The following CFDP1 variants were observed in gnomAD, a reference collection of about 807,000 sequenced individuals.
The protein encoded by CFDP1 is heterochromatin-stabilizing protein CFDP1.
In CFDP1, 31 loss-of-function variants were observed where a neutral mutation model predicts 40.1. That is an observed-to-expected ratio of 0.77 (90% CI 0.58 to 1.04). The LOEUF is 1.04. Ranked by LOEUF, CFDP1 falls within the 50% of genes least tolerant of loss-of-function variation. The probability of loss-of-function intolerance (pLI) is 0.00; values close to 1 mark genes in which losing one functional copy is unlikely to be tolerated. For missense variants in CFDP1, 423 were observed against 343.4 expected, an observed-to-expected ratio of 1.23 and a Z score of -1.83; for synonymous variants, 167 against 120.0, an observed-to-expected ratio of 1.39 and a Z score of -2.56.
intron 5 of CFDP1, among the ~76,000 whole-genome samples, chr16:75,307,374 C>T (rs1363199910): frequency 6.6e-6 from 1 of 151,898 alleles, no homozygotes; most frequent in Non-Finnish European, 1.5e-5. Flanking sequence ...TGCCACCACA[C>T]CTGGCTAATT....
At chr16:75,313,218 C>T (rs2078305716) in intron 5 of CFDP1, among the ~76,000 whole-genome samples, 1 of 152,254 alleles carries the variant, frequency 6.6e-6, no homozygotes, top group African/African-American at 2.4e-5. Context: ...TCCTCTTCCA[C>T]ACCCTTCCTT....
intron 5 of CFDP1, among the ~76,000 whole-genome samples, chr16:75,377,242 T>A (rs1220328621): frequency 6.6e-6 from 1 of 152,232 alleles, no homozygotes; most frequent in Non-Finnish European, 1.5e-5. Flanking sequence ...AAAAGTCAAA[T>A]GCTATGGGAA....
intron 5 of CFDP1, among the ~76,000 whole-genome samples, chr16:75,328,823 C>T (rs2078423900): frequency 6.7e-6 from 1 of 150,358 alleles, no homozygotes; most frequent in Admixed American, 6.6e-5. Context: ...GGATTACAGG[C>T]ACATGCCACC....
chr16:75,321,786 A>G (rs1477353916), intron 5 of CFDP1: 1 of 152,194 alleles, frequency 6.6e-6, no homozygotes, highest in African/African-American at 2.4e-5. Context: ...TATCTATCAC[A>G]GCCTCCTATA....
chr16:75,350,672 C>G (rs2078604525), intron 5 of CFDP1, among the ~76,000 whole-genome samples: 1 of 151,948 alleles, frequency 6.6e-6, no homozygotes, highest in Non-Finnish European at 1.5e-5. Context: ...TAACAAAAGA[C>G]TAGAAGCAAC....
intron 5 of CFDP1, among the ~76,000 whole-genome samples, chr16:75,350,057 ATTCTT>A (rs1384398753): frequency 6.6e-6 from 1 of 152,072 alleles, no homozygotes; most frequent in Non-Finnish European, 1.5e-5. Context: ...AGTTCCTTCT[ATTCTT>A]AGTTTGCTAA....
chr16:75,303,409 ATGT>A (rs1275896328), intron 6 of CFDP1, among the ~76,000 whole-genome samples: 2 of 150,242 alleles, frequency 1.3e-5, no homozygotes, highest in African/African-American at 5.0e-5. Context: ...AAATGTATGT[ATGT>A]ATGTATGTAT....
intron 5 of CFDP1, among the ~76,000 whole-genome samples, chr16:75,366,537 C>T (rs1272276846): frequency 6.6e-6 from 1 of 151,908 alleles, no homozygotes; most frequent in East Asian, 1.9e-4. Context: ...GCAAGAGAAT[C>T]GCTTGAACAT....
At chr16:75,401,577 G>A (rs1262742093) in intron 4 of CFDP1, among the ~76,000 whole-genome samples, 2 of 152,038 alleles carry the variant, frequency 1.3e-5, no homozygotes, top group Non-Finnish European at 2.9e-5. Context: ...TCCAGTCTGG[G>A]CGACAAGGTG....
chr16:75,381,720 G>C (rs897535219), intron 5 of CFDP1, among the ~76,000 whole-genome samples: 4 of 152,098 alleles, frequency 2.6e-5, no homozygotes, highest in African/African-American at 9.7e-5. Flanking sequence ...GTTAAATACT[G>C]GACCAGTTGT....
intron 4 of CFDP1, among the ~76,000 whole-genome samples, chr16:75,404,867 C>A (rs555865297): frequency 6.6e-6 from 1 of 152,218 alleles, no homozygotes; most frequent in Non-Finnish European, 1.5e-5. Flanking sequence ...GGCTCCATAG[C>A]ACAACGGATA....
At chr16:75,306,866 T>C (rs867886510) in intron 5 of CFDP1, among the ~76,000 whole-genome samples, 18 of 148,312 alleles carry the variant, frequency 1.2e-4, no homozygotes, top group South Asian at 1.1e-3. Context: ...CAATGTCATA[T>C]GTGCGCGTGA....
At chr16:75,326,257 T>C (rs865983547) in intron 5 of CFDP1, among the ~76,000 whole-genome samples, 3 of 152,114 alleles carry the variant, frequency 2.0e-5, no homozygotes, top group African/African-American at 7.2e-5. Context: ...GTTTGTTTGG[T>C]TTTGGAGGGC....
chr16:75,316,660 T>C (rs1200631748), intron 5 of CFDP1, among the ~76,000 whole-genome samples: 1 of 150,092 alleles, frequency 6.7e-6, no homozygotes. Flanking sequence ...AAGCTCTAGC[T>C]GTAAAAAAGT....
At chr16:75,348,640 CT>C (rs1477828509) in intron 5 of CFDP1, among the ~76,000 whole-genome samples, 1 of 147,212 alleles carries the variant, frequency 6.8e-6, no homozygotes, top group East Asian at 1.9e-4. Context: ...TTACTGCAAG[CT>C]TTTTTTTGTA....
intron 5 of CFDP1, among the ~76,000 whole-genome samples, chr16:75,381,451 G>C (rs547164259): frequency 2.2e-4 from 33 of 152,268 alleles, no homozygotes; most frequent in African/African-American, 7.0e-4. Flanking sequence ...CATTGGATTG[G>C]GCAGTTAGGG....
At chr16:75,331,663 T>C (rs2078446808) in intron 5 of CFDP1, among the ~76,000 whole-genome samples, 1 of 152,220 alleles carries the variant, frequency 6.6e-6, no homozygotes. Context: ...GTCTGGTTTC[T>C]TTCATGCAGC....
chr16:75,412,489 AG>A lies in CFDP1; in HGVS notation c.402+45del, dbSNP rs774158145. On this transcript the variant is annotated intron_variant, in intron 3 of 6. Transcript: ENST00000283882. ...CGTAGGCTTCAAATCTCAGTAATGT[AG>A]GGTATTTCTGGAGAGGCATTCACCT... is the stretch of plus-strand genomic sequence containing the variant. 3.2e-5 allele frequency: 44 copies of A among 1,387,632 alleles called. No homozygotes were observed. The Admixed American group carries it at 7.2e-4, about 23-fold the overall frequency. The allele number at this position is 1,387,632 out of a possible 1,614,324, so 86.0% of individuals were successfully genotyped here.
At chr16:75,318,444 C>T (rs577616987) in intron 5 of CFDP1, among the ~76,000 whole-genome samples, 66 of 142,024 alleles carry the variant, frequency 4.6e-4, no homozygotes, top group African/African-American at 1.6e-3. Context: ...CTCACTCTGT[C>T]GCCCAGGCTG....
Sources: gnomAD v4.1 joint callset for allele counts (sites outside exome capture counted in the v4.1 genomes callset) on GRCh38, gnomAD v4.1.1 for gene constraint, MANE v1.5 for transcripts, NCBI Gene and HGNC (gene_info 2026-07-23, HGNC 2026-07-21) for gene names.